The following UNC5C variants were observed in gnomAD, a reference collection of about 807,000 sequenced individuals.
UNC5C encodes the protein netrin receptor UNC5C.
Under a neutral mutation model 99.8 loss-of-function variants are expected in UNC5C, and 47 were observed. The ratio of observed to expected loss-of-function variants is 0.47; its 90% CI spans 0.37 to 0.60. The LOEUF is 0.60. Ranked by LOEUF, UNC5C falls within the 20% of genes least tolerant of loss-of-function variation. The pLI is 0.00. For missense variants in UNC5C, 1,062 were observed against 1,165.9 expected (o/e 0.91, Z 1.30); for synonymous variants, 487 against 452.2 (o/e 1.08, Z -0.98).
intron 2 of UNC5C, among the ~76,000 whole-genome samples, chr4:95,329,428 A>G (rs6842543): frequency 0.39 from 59,812 of 152,124 alleles, 13,598 homozygotes; most frequent in East Asian, 0.83. Context: ...GTTTGTAACT[A>G]ATCAGTGAAA....
chr4:95,376,338 C>T (rs910089122), intron 1 of UNC5C, among the ~76,000 whole-genome samples: 1 of 151,876 alleles, frequency 6.6e-6, no homozygotes, highest in African/African-American at 2.4e-5. Context: ...AGTTTCTACT[C>T]TAAGAAGCAG....
chr4:95,408,730 A>G (rs975792187), intron 1 of UNC5C, among the ~76,000 whole-genome samples: 2 of 152,232 alleles, frequency 1.3e-5, no homozygotes. Flanking sequence ...CTGGGTTTAC[A>G]TTATACACAA....
intron 1 of UNC5C, among the ~76,000 whole-genome samples, chr4:95,531,240 C>T (rs1402780765): frequency 6.6e-6 from 1 of 152,178 alleles, no homozygotes; most frequent in Non-Finnish European, 1.5e-5. Context: ...GTCTTGAAGT[C>T]TTTCCTAAAG....
intron 1 of UNC5C, among the ~76,000 whole-genome samples, chr4:95,366,601 A>G (rs575557202): frequency 6.6e-6 from 1 of 152,318 alleles, no homozygotes; most frequent in East Asian, 1.9e-4. Flanking sequence ...AAAATGTAAC[A>G]AGAAGCAATT....
intron 1 of UNC5C, among the ~76,000 whole-genome samples, chr4:95,514,066 G>C (rs566308993): frequency 1.2e-4 from 19 of 152,208 alleles, no homozygotes; most frequent in African/African-American, 4.3e-4. Flanking sequence ...TCTCAAAGAA[G>C]CTTTCTGAGA....
At chr4:95,338,932 G>C (rs1743451609) in intron 1 of UNC5C, among the ~76,000 whole-genome samples, 1 of 152,066 alleles carries the variant, frequency 6.6e-6, no homozygotes, top group Non-Finnish European at 1.5e-5. Context: ...AGAATTCTGA[G>C]ATTGTGACAG....
rs1439895257 is a variant in UNC5C, at chr4:95,481,881, T to C, written c.124+66853A>G. Among the ~76,000 whole-genome samples the C allele has an allele frequency of 4.7e-4, 71 of 151,906 alleles. 2 individuals carry two copies. Among genetic ancestry groups the C allele is most frequent in the African/African-American group, 1.7e-3 (70 of 41,326 alleles). On this transcript the variant is annotated intron_variant, in intron 1 of 15. Coordinates refer to ENST00000453304, the MANE Select transcript of UNC5C (RefSeq NM_003728.4). ...ATTCAAGATGGATTAAAGACTTCAA[T>C]GTTAAACCTAAAACCATAAAAACCC...
At chr4:95,515,808 A>G (rs1283048685) in intron 1 of UNC5C, among the ~76,000 whole-genome samples, 1 of 152,198 alleles carries the variant, frequency 6.6e-6, no homozygotes, top group East Asian at 1.9e-4. Context: ...ACTTTTTGAC[A>G]TCATATTTTC....
At chr4:95,483,186 A>G (rs1178940136) in intron 1 of UNC5C, among the ~76,000 whole-genome samples, 1 of 151,642 alleles carries the variant, frequency 6.6e-6, no homozygotes, top group African/African-American at 2.4e-5. Flanking sequence ...CCATTCAGGC[A>G]TAAAAATCCT....
At chr4:95,323,865 G>A (rs1284694182) in intron 2 of UNC5C, among the ~76,000 whole-genome samples, 6 of 152,076 alleles carry the variant, frequency 3.9e-5, no homozygotes, top group African/African-American at 1.2e-4. Context: ...GTGAAACCCC[G>A]TCTCTACTAA....
intron 3 of UNC5C, among the ~76,000 whole-genome samples, chr4:95,289,067 C>T (rs1741348631): frequency 6.6e-6 from 1 of 152,102 alleles, no homozygotes; most frequent in Admixed American, 6.5e-5. Flanking sequence ...TTTCTTCATC[C>T]ATAAAATGAA....
chr4:95,494,073 G>C (rs542340134), intron 1 of UNC5C, among the ~76,000 whole-genome samples: 10 of 151,340 alleles, frequency 6.6e-5, no homozygotes, highest in South Asian at 6.3e-4. Context: ...CTCACTCCAG[G>C]GTTCTTAAAA....
At chr4:95,500,917 A>G (rs1364687051) in intron 1 of UNC5C, among the ~76,000 whole-genome samples, 2 of 152,114 alleles carry the variant, frequency 1.3e-5, no homozygotes, top group Non-Finnish European at 2.9e-5. Flanking sequence ...GTGCTATTAC[A>G]TGGAAAAGAA....
intron 1 of UNC5C, among the ~76,000 whole-genome samples, chr4:95,538,722 T>G (rs1377639885): frequency 6.6e-6 from 1 of 152,200 alleles, no homozygotes; most frequent in African/African-American, 2.4e-5. Context: ...TGGGAATGTA[T>G]GACAATAATA....
intron 1 of UNC5C, among the ~76,000 whole-genome samples, chr4:95,428,258 G>C (rs1746539829): frequency 6.6e-6 from 1 of 151,886 alleles, no homozygotes; most frequent in Non-Finnish European, 1.5e-5. Context: ...TTGGGTTGTT[G>C]GCCACCACAT....
chr4:95,470,598 A>C (rs981138272), intron 1 of UNC5C, among the ~76,000 whole-genome samples: 2 of 152,128 alleles, frequency 1.3e-5, no homozygotes, highest in African/African-American at 4.8e-5. Flanking sequence ...TCAGAAAAAA[A>C]TAGCAGTATG....
At chr4:95,258,356 C>T (rs374731697) in intron 4 of UNC5C, among the ~76,000 whole-genome samples, 1 of 152,148 alleles carries the variant, frequency 6.6e-6, no homozygotes, top group Non-Finnish European at 1.5e-5. Flanking sequence ...TTTCTCTACT[C>T]CTTCCATTGA....
chr4:95,293,549 T>C (rs1211134313), intron 3 of UNC5C, among the ~76,000 whole-genome samples: 1 of 152,032 alleles, frequency 6.6e-6, no homozygotes, highest in African/African-American at 2.4e-5. Flanking sequence ...CAAACCCCTA[T>C]GTGCAAGTGA....
chr4:95,274,141 C>A (rs544051026), intron 4 of UNC5C, among the ~76,000 whole-genome samples: 1 of 152,262 alleles, frequency 6.6e-6, no homozygotes, highest in Non-Finnish European at 1.5e-5. Flanking sequence ...AATTTCAATA[C>A]AATCGGTAGG....
Sources: gnomAD v4.1 joint callset for allele counts (sites outside exome capture counted in the v4.1 genomes callset) on GRCh38, gnomAD v4.1.1 for gene constraint, MANE v1.5 for transcripts, NCBI Gene and HGNC (gene_info 2026-07-23, HGNC 2026-07-21) for gene names.